The following PHTF2 variants were observed in gnomAD, a reference collection of about 807,000 sequenced individuals.
PHTF2 encodes the protein putative homeodomain transcription factor 2, also known as protein PHTF2.
A neutral mutation model predicts 101.2 loss-of-function variants in PHTF2; 60 were observed. That is an observed-to-expected ratio of 0.59 (90% CI 0.48 to 0.73). The LOEUF is 0.73. Ranked by LOEUF, PHTF2 falls within the 30% of genes least tolerant of loss-of-function variation. PHTF2 has a pLI of 0.00. For missense variants in PHTF2, 747 were observed against 908.7 expected (o/e 0.82, Z 2.29); for synonymous variants, 311 against 307.3 (o/e 1.01, Z -0.13).
chr7:77,937,948 C>G (rs34381093), intron 13 of PHTF2, 110 bp downstream of exon 12: 61,152 of 454,166 alleles, frequency 0.13, 4,797 homozygotes, highest in African/African-American at 0.24. Flanking sequence ...TTTCTTCACC[C>G]TGAAAAAAAA....
intron 7 of PHTF2, among the ~76,000 whole-genome samples, 186 bp from the exon 7 acceptor site, chr7:77,908,607 A>G (rs567122747): frequency 6.6e-6 from 1 of 152,336 alleles, no homozygotes; most frequent in East Asian, 1.9e-4. Flanking sequence ...TTATTACTAA[A>G]TACCATGGTT....
chr7:77,825,416 A>G (rs1231497114), intron 1 of PHTF2, among the ~76,000 whole-genome samples: 2 of 152,206 alleles, frequency 1.3e-5, no homozygotes, highest in Non-Finnish European at 2.9e-5. Flanking sequence ...AATCCTTGAG[A>G]AGACCCTACA....
intron 11 of PHTF2, chr7:77,923,558 T>C: frequency 2.0e-6 from 2 of 985,438 alleles, no homozygotes; most frequent in Non-Finnish European, 2.4e-6. Context: ...GTTGTGTCTC[T>C]GGTTAATCTT....
intron 1 of PHTF2, among the ~76,000 whole-genome samples, chr7:77,821,685 G>C (rs1794304445): frequency 6.6e-6 from 1 of 152,018 alleles, no homozygotes; most frequent in Admixed American, 6.6e-5. Context: ...TGCTCAGCCA[G>C]CCTGGGAATG....
At position 77,922,917 on chromosome 7, in the gene PHTF2, A is replaced by T. The variant is rs75647543; in HGVS notation, c.1119+139A>T. On this transcript the variant is annotated intron_variant, in intron 11 of 19. Coordinates refer to ENST00000416283, the Ensembl canonical transcript of PHTF2. ...TATTTATTATTGTTGTATGATCTGG[A>T]TTTATAAAATAGCAGTTTTAGGTTT... The T allele has an allele frequency of 3.0e-6, 4 of 1,326,986 alleles. No individual in the cohort carries two copies. In the African/African-American group the frequency reaches 5.9e-5, roughly 20 times the overall value. 82.2% of individuals were successfully genotyped at this position (1,326,986 alleles called of 1,614,324 possible).
chr7:77,953,937 C>T, intron 19 of PHTF2, 43 bp downstream of exon 18: 1 of 1,596,296 alleles, frequency 6.3e-7, no homozygotes, highest in African/African-American at 1.3e-5. Context: ...TTTCCTGTTG[C>T]ATTTTTGTTG....
chr7:77,819,765 A>G (rs1794128647), intron 1 of PHTF2, among the ~76,000 whole-genome samples: 1 of 152,198 alleles, frequency 6.6e-6, no homozygotes, highest in Non-Finnish European at 1.5e-5. Flanking sequence ...AGTTAGGAAG[A>G]ATCAGTCTGC....
chr7:77,922,354 A>G (rs765276220), intron 10 of PHTF2, among the ~76,000 whole-genome samples: 9 of 152,128 alleles, frequency 5.9e-5, no homozygotes, highest in Non-Finnish European at 8.8e-5. Context: ...TGCTGTTTCA[A>G]ATCCTTTTCT....
At chr7:77,844,493 TAATTATC>T (rs1796121650) in intron 2 of PHTF2, among the ~76,000 whole-genome samples, 1 of 152,242 alleles carries the variant, frequency 6.6e-6, no homozygotes, top group Non-Finnish European at 1.5e-5. Context: ...AAATTCTACT[TAATTATC>T]AAGTATTTTT....
At chr7:77,808,651 C>G (rs531785180) in intron 1 of PHTF2, among the ~76,000 whole-genome samples, 8 of 152,334 alleles carry the variant, frequency 5.3e-5, no homozygotes, top group Non-Finnish European at 1.0e-4. Flanking sequence ...ACAGCACTCT[C>G]TTTGTGCAGC....
At chr7:77,946,136 G>A (rs1220732735) in intron 16 of PHTF2, among the ~76,000 whole-genome samples, 1 of 152,138 alleles carries the variant, frequency 6.6e-6, no homozygotes, top group African/African-American at 2.4e-5. Context: ...GTTTGTGCCT[G>A]GAATGCAGAT....
At chr7:77,947,350 T>A (rs1191119660) in intron 16 of PHTF2, among the ~76,000 whole-genome samples, 2 of 151,248 alleles carry the variant, frequency 1.3e-5, no homozygotes, top group Non-Finnish European at 3.0e-5. Flanking sequence ...TCACCTGAGG[T>A]CAGGAGTTCA....
chr7:77,885,841 A>C (rs1004507850), intron 3 of PHTF2, among the ~76,000 whole-genome samples: 1 of 152,218 alleles, frequency 6.6e-6, no homozygotes, highest in Non-Finnish European at 1.5e-5. Flanking sequence ...CATGGGGTTC[A>C]TCTAGGAATA....
chr7:77,846,597 GCCTCCCTTCC>G (rs1467579171), intron 2 of PHTF2, among the ~76,000 whole-genome samples: 9 of 23,088 alleles, frequency 3.9e-4, no homozygotes, highest in African/African-American at 9.0e-4. Flanking sequence ...GCCTCCCCTC[GCCTCCCTTCC>G]CCTCCCTTCC....
intron 5 of PHTF2, among the ~76,000 whole-genome samples, chr7:77,898,770 A>G (rs891705455): frequency 1.3e-5 from 2 of 152,024 alleles, no homozygotes; most frequent in African/African-American, 4.8e-5. Flanking sequence ...ATATCTGAAC[A>G]GAGGTTATCT....
chr7:77,951,537 T>C (rs1457751393), intron 17 of PHTF2, 80 bp from the exon 17 acceptor site: 2 of 624,116 alleles, frequency 3.2e-6, no homozygotes, highest in Admixed American at 3.5e-5. Context: ...AATAACCAGA[T>C]ACTTGAGTGA....
At chr7:77,831,942 G>A (rs968359493) in intron 1 of PHTF2, among the ~76,000 whole-genome samples, 10 of 152,262 alleles carry the variant, frequency 6.6e-5, no homozygotes, top group Middle Eastern at 3.4e-3. Flanking sequence ...TGGATGCAGA[G>A]CACACACAGC....
At chr7:77,869,049 T>G (rs1049333084) in intron 3 of PHTF2, among the ~76,000 whole-genome samples, 1 of 152,202 alleles carries the variant, frequency 6.6e-6, no homozygotes, top group Non-Finnish European at 1.5e-5. Flanking sequence ...GAATAGAACA[T>G]CCTGTCTTTC....
intron 3 of PHTF2, among the ~76,000 whole-genome samples, chr7:77,893,306 C>G (rs975860624): frequency 6.6e-6 from 1 of 151,952 alleles, no homozygotes; most frequent in Non-Finnish European, 1.5e-5. Context: ...CCTCTCTGTT[C>G]AAGAGGGATT....
Sources: gnomAD v4.1 joint callset for allele counts (sites outside exome capture counted in the v4.1 genomes callset) on GRCh38, gnomAD v4.1.1 for gene constraint, MANE v1.5 for transcripts, NCBI Gene and HGNC (gene_info 2026-07-23, HGNC 2026-07-21) for gene names.